Variants in CHST4 observed in about 807,000 individuals in gnomAD.
The protein encoded by CHST4 is GST-3.
For missense variants in CHST4, 466 were observed against 506.0 expected, an observed-to-expected ratio of 0.92 and a Z score of 0.76; for synonymous variants, 171 against 195.5, an observed-to-expected ratio of 0.87 and a Z score of 1.05.
At chr16:71,536,596 G>A in intron 1 of CHST4, 64 bp from the exon 2 acceptor site, 2 of 1,256,252 alleles carry the variant, frequency 1.6e-6, no homozygotes, top group East Asian at 5.3e-5. Context: ...TTGGCCAGAA[G>A]GGGAATAGAA....
At chr16:71,526,892 T>C (rs2043912465) in intron 1 of CHST4, among the ~76,000 whole-genome samples, 1 of 152,180 alleles carries the variant, frequency 6.6e-6, no homozygotes, top group Non-Finnish European at 1.5e-5. Context: ...TGCAAGGAGC[T>C]GTAGGTTTTC....
chr16:71,537,164 G>A lies in CHST4; in HGVS notation c.487G>A (p.Val163Met). 1.2e-6 allele frequency: 2 copies of A among 1,614,142 alleles called. No homozygotes were observed. Among genetic ancestry groups the A allele is most frequent in the Non-Finnish European group, 1.7e-6 (2 of 1,180,024 alleles). ...CCTGTGCAGTCAACAGCCCTTTGAG[G>A]TGGTGGAGAAGGCCTGCCGCTCCTA... ...RLLCSQQPFE[V>M]VEKACRSYSH... Residue 163 changes from valine (V) to methionine (M), a missense_variant, in exon 2 of 2, where the codon GTG (valine) becomes ATG (methionine). Coordinates refer to ENST00000539698, the MANE Select transcript of CHST4 (RefSeq NM_001166395.2). The surrounding 1 kb of genome is among the most constrained non-coding windows in gnomAD (Gnocchi z 4.2).
rs1360953764 is a variant in CHST4, at chr16:71,538,069, G to T, written c.*231G>T. On this transcript the variant is annotated 3_prime_UTR_variant, in exon 2 of 2. Coordinates refer to ENST00000539698, the MANE Select transcript of CHST4 (RefSeq NM_001166395.2). ...CAGCACATCCCACCAGTGAAACAGG[G>T]TATTGCTCTTCTTCTTTTCTTGATC... 1 of 560,484 alleles carries T rather than the reference G, an allele frequency of 1.8e-6. No homozygotes were observed. Among genetic ancestry groups the T allele is most frequent in the African/African-American group, 1.9e-5 (1 of 53,152 alleles). 34.7% of individuals were successfully genotyped at this position (560,484 alleles called of 1,614,324 possible).
intron 1 of CHST4, among the ~76,000 whole-genome samples, chr16:71,530,867 G>C (rs1395514282): frequency 6.6e-6 from 1 of 152,152 alleles, no homozygotes; most frequent in Non-Finnish European, 1.5e-5. Flanking sequence ...GATCACTTGA[G>C]GTTAGGAGTT....
At position 71,537,588 on chromosome 16, in the gene CHST4, C is replaced by T. The variant is rs2044002065; in HGVS notation, c.911C>T (p.Thr304Ile). The change falls in exon 2 of 2, where the codon ACC becomes ATC. Residue 304 changes from threonine to isoleucine, a missense_variant. Transcript: ENST00000539698. This position sits in a 1 kb window ranked among gnomAD's most constrained non-coding sequence, Gnocchi z 4.2. The stretch of plus-strand genomic sequence containing the variant: ...TTGGAATTCTTGCCCCATCTTCAGA[C>T]CTGGGTGCATAACATCACCCGAGGC... ...VGLEFLPHLQTWVHNITRGKG... is the reference protein window; with the variant it reads ...VGLEFLPHLQIWVHNITRGKG... 1.2e-6 allele frequency: 2 copies of T among 1,614,172 alleles called. No individual in the cohort carries two copies. The highest frequency in any genetic ancestry group is 1.7e-6 in the Non-Finnish European group (2 of 1,180,034).
In CHST4 at chr16:71,537,106, A is replaced by G. The variant is rs1295234081; in HGVS notation, c.429A>G (p.Gln143=). Residue 143 remains glutamine, a synonymous_variant, in exon 2 of 2, where the codon CAA becomes CAG. Transcript: ENST00000539698. This position sits in a 1 kb window ranked among gnomAD's most constrained non-coding sequence, Gnocchi z 4.2. ...CACCTGCCTGTGACATCATCCCACAAGATGAAATCATCCCCCGGGCTCACT... is the reference window on the plus strand; with the variant it reads ...CACCTGCCTGTGACATCATCCCACAGGATGAAATCATCCCCCGGGCTCACT... ...CSAPACDIIP[Q]DEIIPRAHCR... 7 of 1,614,080 alleles carry G rather than the reference A, an allele frequency of 4.3e-6. No individual in the cohort carries two copies. The highest frequency in any genetic ancestry group is 5.9e-6 in the Non-Finnish European group (7 of 1,180,042).
In CHST4 at chr16:71,528,375, T is replaced by TA. The variant is rs113485563; in HGVS notation, c.-19+1891dup. On this transcript the variant is annotated intron_variant, in intron 1 of 1. Coordinates refer to ENST00000539698, the MANE Select transcript of CHST4 (RefSeq NM_001166395.2). ...ATCTTCCTTTCTGGGTCTCATATAGTAAAAAAAAAAACACTGTACAAATAT... is the reference window on the plus strand; with the variant it reads ...ATCTTCCTTTCTGGGTCTCATATAGTAAAAAAAAAAAACACTGTACAAATAT... Among the ~76,000 whole-genome samples, 765 of 146,240 alleles carry TA rather than the reference T, an allele frequency of 5.2e-3. 1 individual carries two copies. Among genetic ancestry groups the TA allele is most frequent in the African/African-American group, 8.2e-3 (331 of 40,150 alleles).
chr16:71,538,054 C>T lies in CHST4; in HGVS notation c.*216C>T. ...GGAACCTTATGTGAGCAGCACATCC[C>T]ACCAGTGAAACAGGGTATTGCTCTT... On this transcript the variant is annotated 3_prime_UTR_variant, in exon 2 of 2. Coordinates refer to ENST00000539698, the MANE Select transcript of CHST4 (RefSeq NM_001166395.2). 1 of 588,796 alleles carries T rather than the reference C, an allele frequency of 1.7e-6. No homozygotes were observed. The highest frequency in any genetic ancestry group is 3.1e-6 in the Non-Finnish European group (1 of 325,696). 36.5% of individuals were successfully genotyped at this position (588,796 alleles called of 1,614,324 possible).
intron 1 of CHST4, among the ~76,000 whole-genome samples, chr16:71,532,174 A>T (rs2043953752): frequency 6.6e-6 from 1 of 151,096 alleles, no homozygotes; most frequent in African/African-American, 2.4e-5. Flanking sequence ...CAGCCTCCCG[A>T]GTAGCTGGGA....
rs376199671 is a variant in CHST4, at chr16:71,537,244, G to A, written c.567G>A (p.Pro189=). ...TCTTCAACCTGCAGTCCCTCTACCC[G>A]CTGCTGAAAGACCCCTCCCTCAACC... ...VRFFNLQSLY[P]LLKDPSLNLH... Residue 189 remains proline (P), a synonymous_variant, in exon 2 of 2, where the codon CCG becomes CCA. Coordinates refer to ENST00000539698, the MANE Select transcript of CHST4 (RefSeq NM_001166395.2). This position sits in a 1 kb window ranked among gnomAD's most constrained non-coding sequence, Gnocchi z 4.2. 3.2e-4 allele frequency: 524 copies of A among 1,613,998 alleles called. No homozygotes were observed. The highest frequency in any genetic ancestry group is 4.1e-4 in the African/African-American group (31 of 74,894).
chr16:71,536,582 GGC>G, intron 1 of CHST4, 76 bp from the exon 2 acceptor site: 1 of 1,087,880 alleles, frequency 9.2e-7, no homozygotes, highest in South Asian at 3.0e-5. Context: ...GAGAGCAGGT[GGC>G]TTTGGCCAGA....
intron 1 of CHST4, among the ~76,000 whole-genome samples, chr16:71,533,330 C>A (rs2043961762): frequency 6.7e-6 from 1 of 150,306 alleles, no homozygotes; most frequent in Non-Finnish European, 1.5e-5. Context: ...GGGGCTGAGG[C>A]AGGAGAATCA....
chr16:71,534,618 A>G (rs930607367), intron 1 of CHST4, among the ~76,000 whole-genome samples: 1 of 152,042 alleles, frequency 6.6e-6, no homozygotes, highest in African/African-American at 2.4e-5. Context: ...TCGGCCTCCA[A>G]AAGTGTTGGG....
At chr16:71,531,933 C>A (rs1301280099) in intron 1 of CHST4, among the ~76,000 whole-genome samples, 1 of 151,922 alleles carries the variant, frequency 6.6e-6, no homozygotes, top group Non-Finnish European at 1.5e-5. Flanking sequence ...CCTCTTCAGT[C>A]TTTGCGGGGA....
intron 1 of CHST4, among the ~76,000 whole-genome samples, chr16:71,526,784 T>C (rs2043911861): frequency 6.6e-6 from 1 of 152,166 alleles, no homozygotes; most frequent in East Asian, 1.9e-4. Context: ...GGTCCCCTGG[T>C]GCCAACTGAC....
At position 71,537,685 on chromosome 16, in the gene CHST4, G is replaced by A; in HGVS notation, c.1008G>A (p.Trp336Ter). The part of the protein sequence containing the change: ...DALNVSQAWR[W>*]SLPYEKVSRL... ...TTAATGTCTCCCAGGCTTGGCGCTGGTCTTTGCCCTATGAAAAGGTTTCTC... is the reference window on the plus strand; with the variant it reads ...TTAATGTCTCCCAGGCTTGGCGCTGATCTTTGCCCTATGAAAAGGTTTCTC... Residue 336 changes from tryptophan to a stop codon, truncating the protein, a stop_gained, in exon 2 of 2, where the codon TGG (tryptophan) becomes TGA (stop). Transcript: ENST00000539698. LOFTEE classifies it low-confidence loss of function (END_TRUNC). The surrounding 1 kb of genome is among the most constrained non-coding windows in gnomAD (Gnocchi z 4.2). 1 of 1,614,220 alleles carries A rather than the reference G, an allele frequency of 6.2e-7. No homozygotes were observed.
At position 71,536,951 on chromosome 16, in the gene CHST4, A is replaced by G. The variant is rs371127435; in HGVS notation, c.274A>G (p.Met92Val). The change falls in exon 2 of 2, where the codon ATG becomes GTG. Residue 92 changes from methionine to valine, a missense_variant. Transcript: ENST00000539698. ...GCAGAGCACCGCCTGGATGCTGCAC[A>G]TGGCTGTGCGGGATCTGATACGGGC... Reference protein sequence around the residue: ...FKQSTAWMLHMAVRDLIRAVF... With the variant: ...FKQSTAWMLHVAVRDLIRAVF... 1.2e-6 allele frequency: 2 copies of G among 1,613,552 alleles called. No homozygotes were observed. Among genetic ancestry groups the G allele is most frequent in the Middle Eastern group, 1.6e-4 (1 of 6,082 alleles).
rs1190383154 is a variant in CHST4, at chr16:71,537,738, T to C, written c.1061T>C (p.Met354Thr). The C allele has an allele frequency of 1.7e-5, 27 of 1,614,264 alleles. No individual in the cohort carries two copies. Among genetic ancestry groups the C allele is most frequent in the Non-Finnish European group, 2.2e-5 (26 of 1,180,050 alleles). The stretch of plus-strand genomic sequence containing the variant: ...CTTCAGAAAGCCTGTGGCGATGCCA[T>C]GAATTTGCTGGGCTACCGCCACGTC... ...SRLQKACGDAMNLLGYRHVRS... is the reference protein window; with the variant it reads ...SRLQKACGDATNLLGYRHVRS... The change falls in exon 2 of 2, where the codon ATG (methionine) becomes ACG (threonine). Residue 354 changes from methionine to threonine, a missense_variant. Physicochemically the swap from Met to Thr is moderately conservative, Grantham distance 81. Coordinates refer to ENST00000539698, the MANE Select transcript of CHST4 (RefSeq NM_001166395.2). This position sits in a 1 kb window ranked among gnomAD's most constrained non-coding sequence, Gnocchi z 4.2.
At position 71,537,278 on chromosome 16, in the gene CHST4, G is replaced by A. The variant is rs762048757; in HGVS notation, c.601G>A (p.Val201Met). 21 of 1,614,060 alleles carry A rather than the reference G, an allele frequency of 1.3e-5. No individual in the cohort carries two copies. Among genetic ancestry groups the A allele is most frequent in the East Asian group, 6.7e-5 (3 of 44,866 alleles). Residue 201 changes from valine to methionine, a missense_variant, in exon 2 of 2, where the codon GTG becomes ATG. Val to Met is a conservative substitution (Grantham distance 21). Coordinates refer to ENST00000539698, the MANE Select transcript of CHST4 (RefSeq NM_001166395.2). The surrounding 1 kb of genome is among the most constrained non-coding windows in gnomAD (Gnocchi z 4.2). ...LKDPSLNLHI[V>M]HLVRDPRAVF... ...AGACCCCTCCCTCAACCTGCATATC[G>A]TGCACCTGGTCCGGGACCCCCGGGC...
Sources: gnomAD v4.1 joint callset for allele counts (sites outside exome capture counted in the v4.1 genomes callset) on GRCh38, gnomAD v4.1.1 for gene constraint, Gnocchi (gnomAD v3.1) non-coding constraint, MANE v1.5 for transcripts, NCBI Gene and HGNC (gene_info 2026-07-23, HGNC 2026-07-21) for gene names.